The following ARHGAP39 variants were observed in gnomAD, a reference collection of about 807,000 sequenced individuals.
ARHGAP39 encodes the protein rho GTPase-activating protein 39.
A neutral mutation model predicts 106.9 loss-of-function variants in ARHGAP39; 44 were observed. That is an observed-to-expected ratio of 0.41 (90% confidence interval 0.32 to 0.53). The LOEUF is 0.53. Among genes scored for constraint, ARHGAP39 ranks in the 20% least tolerant of loss-of-function variants. ARHGAP39 has a pLI of 0.21. For missense variants in ARHGAP39, 1,496 were observed against 1,577.3 expected, an observed-to-expected ratio of 0.95 and a Z score of 0.87; for synonymous variants, 768 against 693.2, an observed-to-expected ratio of 1.11 and a Z score of -1.69.
rs747566355 is a variant in ARHGAP39, at chr8:144,534,464, C to T, written c.2615-262G>A. On this transcript the variant is annotated intron_variant, in intron 7 of 11. Transcript: ENST00000377307. ...AGCTCCACCTGCCCTCCTACGGCCA[C>T]GCAGGAACAGGAAGGGCAGGACCTG... Among the ~76,000 whole-genome samples, 50 of 152,318 alleles carry T rather than the reference C, an allele frequency of 3.3e-4. No homozygotes were observed. In the Middle Eastern group the frequency reaches 0.01, roughly 31 times the overall value.
At chr8:144,657,881 T>G (rs1821735542) in intron 1 of ARHGAP39, among the ~76,000 whole-genome samples, 1 of 152,146 alleles carries the variant, frequency 6.6e-6, no homozygotes. Flanking sequence ...ATAGCTACAG[T>G]CAGCCCTCCA....
Position 144,537,806 on chromosome 8 carries a change from CTG to C in ARHGAP39, c.2527_2528del (p.Gln843AlafsTer11). 6.2e-7 allele frequency: 1 copy of C among 1,613,974 alleles called. No individual in the cohort carries two copies. The highest frequency in any genetic ancestry group is 8.5e-7 in the Non-Finnish European group (1 of 1,179,896). On this transcript the variant is annotated frameshift_variant, in exon 7 of 12. Coordinates refer to ENST00000377307, the MANE Select transcript of ARHGAP39 (RefSeq NM_025251.3). LOFTEE classifies it high-confidence loss of function. ...MDPVNDTKVT[Q>X]HIKELLERNT... The stretch of plus-strand genomic sequence containing the variant: ...TTCTTTCCAGGAGCTCTTTTATGTG[CTG>C]TGTCACTGGGGAGCAAAGACAACCA...
chr8:144,599,744 C>T (rs931254266), intron 2 of ARHGAP39, among the ~76,000 whole-genome samples: 5 of 152,198 alleles, frequency 3.3e-5, no homozygotes, highest in African/African-American at 4.8e-5. Flanking sequence ...ATCCAAACAA[C>T]TTAGGAACAC....
intron 1 of ARHGAP39, among the ~76,000 whole-genome samples, chr8:144,666,946 C>T (rs1456287770): frequency 1.3e-5 from 2 of 152,184 alleles, no homozygotes; most frequent in African/African-American, 2.4e-5. Context: ...CCTCCTTGGT[C>T]CTGTCCCTTT....
At chr8:144,537,326 C>A (rs574660069) in intron 7 of ARHGAP39, among the ~76,000 whole-genome samples, 4 of 151,826 alleles carry the variant, frequency 2.6e-5, no homozygotes, top group East Asian at 2.0e-4. Flanking sequence ...CAGCCCTGGG[C>A]GGGAAGACAG....
chr8:144,537,968 G>A (rs1048831620), intron 6 of ARHGAP39, among the ~76,000 whole-genome samples, 155 bp from the exon 7 acceptor site: 1 of 152,372 alleles, frequency 6.6e-6, no homozygotes. Context: ...GGACGTGGCT[G>A]TGTGAGTGGC....
At chr8:144,536,184 T>C (rs527474686) in intron 7 of ARHGAP39, among the ~76,000 whole-genome samples, 9 of 151,946 alleles carry the variant, frequency 5.9e-5, no homozygotes, top group African/African-American at 2.2e-4. Context: ...CTCATCTCCA[T>C]CCCCCTCCGG....
chr8:144,686,066 G>A (rs574244698), upstream of ARHGAP39, among the ~76,000 whole-genome samples: 2 of 152,006 alleles, frequency 1.3e-5, no homozygotes, highest in South Asian at 2.1e-4. Context: ...CCTCCCGCGC[G>A]GACCTACCCT....
At chr8:144,598,253 G>A (rs1819703548) in intron 2 of ARHGAP39, among the ~76,000 whole-genome samples, 2 of 152,220 alleles carry the variant, frequency 1.3e-5, no homozygotes, top group Non-Finnish European at 2.9e-5. Context: ...ACCCAGCCGT[G>A]GGCCTTTCCA....
chr8:144,546,590 G>A (rs113881436), intron 5 of ARHGAP39, among the ~76,000 whole-genome samples: 17 of 152,206 alleles, frequency 1.1e-4, no homozygotes, highest in African/African-American at 3.1e-4. Flanking sequence ...TGGCCTCCAC[G>A]GGATCTAGCC....
At chr8:144,698,767 G>A in the ARHGAP39 span, 3 of 453,720 alleles carry the variant, frequency 6.6e-6, no homozygotes, top group African/African-American at 6.0e-5. Context: ...AGTGTCCTTG[G>A]CCATGAGTGG....
At chr8:144,686,666 C>G (rs1219215959), upstream of ARHGAP39, among the ~76,000 whole-genome samples, 1 of 152,200 alleles carries the variant, frequency 6.6e-6, no homozygotes, top group Non-Finnish European at 1.5e-5. Flanking sequence ...GGAGATCTCC[C>G]GTCGGGCTGT....
At position 144,545,498 on chromosome 8, in the gene ARHGAP39, G is replaced by A. The variant is rs1817375552; in HGVS notation, c.2272C>T (p.Arg758Trp). The A allele has an allele frequency of 1.2e-6, 2 of 1,607,856 alleles. No individual in the cohort carries two copies. The highest frequency in any genetic ancestry group is 1.7e-5 in the Admixed American group (1 of 59,922). Residue 758 changes from arginine to tryptophan, a missense_variant, in exon 6 of 12, where the codon CGG becomes TGG. Transcript: ENST00000377307. ...ACGTGCAGTGGGTCGGCCTTGGCCC[G>A]CCGGTCACCCATGTACATCTGGATC... is the stretch of plus-strand genomic sequence containing the variant. ...KLIQMYMGDR[R>W]AKADPLHVAL...
intron 3 of ARHGAP39, among the ~76,000 whole-genome samples, chr8:144,562,243 CACACTCCAGT>C (rs2130870060): frequency 6.6e-6 from 1 of 151,898 alleles, no homozygotes; most frequent in South Asian, 2.1e-4. Context: ...TGGTTTCCAT[CACACTCCAGT>C]GGTTTCCATC....
chr8:144,537,295 T>G (rs972385900), intron 7 of ARHGAP39, among the ~76,000 whole-genome samples: 2 of 152,142 alleles, frequency 1.3e-5, no homozygotes, highest in Non-Finnish European at 2.9e-5. Flanking sequence ...AACACCAGGC[T>G]TGGCTCTTGT....
In ARHGAP39 at chr8:144,684,626, G is replaced by A. The variant is rs1822529168; in HGVS notation, c.-82+1060C>T. Among the ~76,000 whole-genome samples, 1 of 152,146 alleles carries A rather than the reference G, an allele frequency of 6.6e-6. No individual in the cohort carries two copies. Among genetic ancestry groups the A allele is most frequent in the African/African-American group, 2.4e-5 (1 of 41,444 alleles). Reference sequence around the variant, plus strand: ...ACCCACAGCTGCCAAGGAGCCGGCTGCACGTTTTAAAATAAAAAACGTCCT... The same window carrying A: ...ACCCACAGCTGCCAAGGAGCCGGCTACACGTTTTAAAATAAAAAACGTCCT... On this transcript the variant is annotated intron_variant, in intron 1 of 11. Coordinates refer to ENST00000377307, the MANE Select transcript of ARHGAP39 (RefSeq NM_025251.3). The surrounding 1 kb of genome is among the most constrained non-coding windows in gnomAD (Gnocchi z 4.4).
At chr8:144,688,734 C>T (rs920842108), upstream of ARHGAP39, among the ~76,000 whole-genome samples, 2 of 152,084 alleles carry the variant, frequency 1.3e-5, no homozygotes, top group East Asian at 1.9e-4. Context: ...GAAAGTAAAA[C>T]AATAATAAAT....
chr8:144,673,693 A>G (rs1822159703), intron 1 of ARHGAP39, among the ~76,000 whole-genome samples: 1 of 152,176 alleles, frequency 6.6e-6, no homozygotes, highest in Non-Finnish European at 1.5e-5. Flanking sequence ...CTTCTGCCTG[A>G]GTATTGCTCA....
chr8:144,699,052 T>C, the ARHGAP39 span: 3 of 361,456 alleles, frequency 8.3e-6, no homozygotes, highest in Middle Eastern at 5.1e-4. Context: ...GGCTTCTCAC[T>C]GCACAGGGCG....
Sources: gnomAD v4.1 joint callset for allele counts (sites outside exome capture counted in the v4.1 genomes callset) on GRCh38, gnomAD v4.1.1 for gene constraint, Gnocchi (gnomAD v3.1) non-coding constraint, MANE v1.5 for transcripts, NCBI Gene and HGNC (gene_info 2026-07-23, HGNC 2026-07-21) for gene names.